COL5A1: variants seen among roughly 807,000 people sequenced by gnomAD.
The protein encoded by COL5A1 is collagen type V alpha 1 chain.
COL5A1 carries 16 observed loss-of-function variants against 263.7 expected under a neutral mutation model. That is an observed-to-expected ratio of 0.06 (90% CI 0.04 to 0.09). The LOEUF (loss-of-function observed/expected upper bound fraction) is 0.09. Among genes scored for constraint, COL5A1 ranks in the 10% least tolerant of loss-of-function variants. The pLI, the probability that COL5A1 is intolerant of heterozygous loss-of-function variation, is 1.00. For missense variants in COL5A1, 2,036 were observed against 2,540.5 expected (o/e 0.80, Z 4.27); for synonymous variants, 1,012 against 1,004.5 (o/e 1.01, Z -0.14).
At chr9:134,751,307 G>A (rs188506682) in intron 13 of COL5A1, among the ~76,000 whole-genome samples, 89 of 152,292 alleles carry the variant, frequency 5.8e-4, no homozygotes, top group African/African-American at 2.0e-3. Context: ...CTGAGGGTCC[G>A]GGTTCTAACT....
At chr9:134,798,297 G>A in intron 36 of COL5A1, 111 bp from the exon 37 acceptor site, 1 of 969,322 alleles carries the variant, frequency 1.0e-6, no homozygotes, top group South Asian at 1.3e-5. Flanking sequence ...CTCAGAGGAT[G>A]TGCAGGGGCA....
chr9:134,682,949 G>GA lies in COL5A1; in HGVS notation c.110-7956dup, dbSNP rs1024317265. Among the ~76,000 whole-genome samples the GA allele has an allele frequency of 3.9e-5, 6 of 152,060 alleles. No homozygotes were observed. ...TTAAAGATATTGAACTTGTTTAGGGGAAAAAAAGGAATTAGAGAAAAAGAT... is the reference window on the plus strand; with the variant it reads ...TTAAAGATATTGAACTTGTTTAGGGGAAAAAAAAGGAATTAGAGAAAAAGAT... On this transcript the variant is annotated intron_variant, in intron 1 of 65. Coordinates refer to ENST00000371817, the MANE Select transcript of COL5A1 (RefSeq NM_000093.5). This position sits in a 1 kb window ranked among gnomAD's most constrained non-coding sequence, Gnocchi z 5.1.
chr9:134,725,952 G>T (rs2132629691), intron 4 of COL5A1, among the ~76,000 whole-genome samples: 1 of 152,310 alleles, frequency 6.6e-6, no homozygotes, highest in South Asian at 2.1e-4. Flanking sequence ...TGTTTTGTTT[G>T]GAGGGTGAAC....
chr9:134,776,598 G>C (rs1166587466), intron 27 of COL5A1, among the ~76,000 whole-genome samples: 1 of 152,228 alleles, frequency 6.6e-6, no homozygotes, highest in Non-Finnish European at 1.5e-5. Context: ...ATGGTGGCAG[G>C]GCGTGGGATT....
chr9:134,695,237 G>A (rs971985430), intron 2 of COL5A1, among the ~76,000 whole-genome samples: 1 of 152,134 alleles, frequency 6.6e-6, no homozygotes. Flanking sequence ...TGGAGGCCAC[G>A]GCTCTGCCCA....
chr9:134,828,659 C>CAG lies in COL5A1; in HGVS notation c.5068-1316_5068-1315insGA, dbSNP rs199982821. Among the ~76,000 whole-genome samples, 9 of 97,084 alleles carry CAG rather than the reference C, an allele frequency of 9.3e-5. No individual in the cohort carries two copies. The East Asian group carries it at 1.6e-3, about 18-fold the overall frequency. 63.7% of individuals were successfully genotyped at this position (97,084 alleles called of 152,430 possible). On this transcript the variant is annotated intron_variant, in intron 63 of 65. Transcript: ENST00000371817. ...CACGATAAACACCACACATACCACACACACACCCATAATGCGCCATACACA... is the reference window on the plus strand; with the variant it reads ...CACGATAAACACCACACATACCACACAGACACACCCATAATGCGCCATACACA...
chr9:134,745,290 C>T (rs1835469638), intron 11 of COL5A1, among the ~76,000 whole-genome samples: 1 of 152,170 alleles, frequency 6.6e-6, no homozygotes, highest in African/African-American at 2.4e-5. Flanking sequence ...GTGAAGGGAG[C>T]AAAGGCCTCG....
At chr9:134,769,541 C>A (rs956547829) in intron 25 of COL5A1, among the ~76,000 whole-genome samples, 5 of 152,174 alleles carry the variant, frequency 3.3e-5, no homozygotes, top group Non-Finnish European at 7.3e-5. Flanking sequence ...TTATAGCCAC[C>A]TTTGATCTCA....
chr9:134,683,711 C>T (rs777177541), intron 1 of COL5A1, among the ~76,000 whole-genome samples: 8 of 152,180 alleles, frequency 5.3e-5, no homozygotes, highest in Non-Finnish European at 8.8e-5. Flanking sequence ...CTGTTCCTGC[C>T]GCCCTTTGAT....
chr9:134,712,492 C>T (rs1482516383), intron 4 of COL5A1, among the ~76,000 whole-genome samples: 3 of 96,618 alleles, frequency 3.1e-5, no homozygotes, highest in African/African-American at 1.3e-4. Flanking sequence ...CCCCTCCTGC[C>T]TTCCCTCCTC....
chr9:134,822,914 A>C, intron 59 of COL5A1, 84 bp from the exon 60 acceptor site: 1 of 1,517,174 alleles, frequency 6.6e-7, no homozygotes. Context: ...GCGAGGGGCG[A>C]GACCAGGCTG....
intron 63 of COL5A1, 82 bp downstream of exon 63, chr9:134,825,986 T>C (rs1053535194): frequency 4.8e-6 from 4 of 840,222 alleles, no homozygotes; most frequent in Non-Finnish European, 8.1e-6. Context: ...GCATTTCTTG[T>C]ATATGCAGCT....
chr9:134,690,958 T>C lies in COL5A1; in HGVS notation c.156T>C (p.Pro52=). 1 of 1,613,874 alleles carries C rather than the reference T, an allele frequency of 6.2e-7. No homozygotes were observed. Among genetic ancestry groups the C allele is most frequent in the South Asian group, 1.1e-5 (1 of 91,088 alleles). Residue 52 remains proline (P), a synonymous_variant, in exon 2 of 66, where the codon CCT becomes CCC. Transcript: ENST00000371817. Reference sequence around the variant, plus strand: ...AGGTTCTAGATTTTCACAACTTGCCTGATGGAATAACAAAGACAACAGGCT... The same window carrying C: ...AGGTTCTAGATTTTCACAACTTGCCCGATGGAATAACAAAGACAACAGGCT... ...LLKVLDFHNL[P]DGITKTTGFC...
rs147905920 is a variant in COL5A1 at position 134,680,874 on chromosome 9, A to T, written c.110-10038A>T. Among the ~76,000 whole-genome samples the T allele has an allele frequency of 1.5e-3, 224 of 152,280 alleles. 1 individual carries two copies. Among genetic ancestry groups the T allele is most frequent in the Non-Finnish European group, 2.1e-3 (144 of 68,012 alleles). ...ATGGAACCTGCTTTGGCGAAGTGGC[A>T]GTGAGCGCAGGGACAGGCTGGGAGT... On this transcript the variant is annotated intron_variant, in intron 1 of 65. Transcript: ENST00000371817. The surrounding 1 kb of genome is among the most constrained non-coding windows in gnomAD (Gnocchi z 5.9).
At chr9:134,748,352 CACATGCACAT>C (rs1246160530) in intron 11 of COL5A1, among the ~76,000 whole-genome samples, 1 of 152,122 alleles carries the variant, frequency 6.6e-6, no homozygotes, top group East Asian at 1.9e-4. Flanking sequence ...CACATTCACA[CACATGCACAT>C]ACATACACTT....
rs753981728 is a variant in COL5A1 at position 134,727,412 on chromosome 9, G to T, written c.786+15G>T. On this transcript the variant is annotated intron_variant, in intron 5 of 65. Transcript: ENST00000371817. ...CAGATGAATATGTGAGTTAACTCTG[G>T]CTGGGATCTTGGGGAGCATGAGCAG... 13 of 1,613,890 alleles carry T rather than the reference G, an allele frequency of 8.1e-6. No individual in the cohort carries two copies. The African/African-American group carries it at 1.5e-4, about 18-fold the overall frequency.
In COL5A1 at chr9:134,840,903, C is replaced by T. The variant is rs139436337; in HGVS notation, c.5371-1254C>T. ...CACCTCCTAATACCATCTTTGGGAACGGGAACATTAAGATCATAGTCAGGG... is the reference window on the plus strand; with the variant it reads ...CACCTCCTAATACCATCTTTGGGAATGGGAACATTAAGATCATAGTCAGGG... On this transcript the variant is annotated intron_variant, in intron 65 of 65. Coordinates refer to ENST00000371817, the MANE Select transcript of COL5A1 (RefSeq NM_000093.5). Among the ~76,000 whole-genome samples the T allele has an allele frequency of 5.3e-3, 803 of 152,308 alleles. 5 individuals carry two copies. The highest frequency in any genetic ancestry group is 8.4e-3 in the Non-Finnish European group (573 of 68,026).
rs1020323918 is a variant in COL5A1, at chr9:134,765,619, A to ACAG, written c.2035-61_2035-59dup. ...AGTCAGGGCCAAGTGGGCATAGGGG[A>ACAG]CAGAGAGGAGGGCTGGGATTTCTGC... On this transcript the variant is annotated intron_variant, in intron 20 of 65. Transcript: ENST00000371817. The surrounding 1 kb of genome is among the most constrained non-coding windows in gnomAD (Gnocchi z 5.1). 42 of 1,471,970 alleles carry ACAG rather than the reference A, an allele frequency of 2.9e-5. No homozygotes were observed. Among genetic ancestry groups the ACAG allele is most frequent in the Non-Finnish European group, 4.0e-5 (42 of 1,051,220 alleles). The allele number at this position is 1,471,970 out of a possible 1,614,324, so 91.2% of individuals were successfully genotyped here. A position where few individuals can be genotyped will look rare whatever the true frequency, so the allele number is the denominator to read the frequency against.
chr9:134,829,453 C>T (rs570910302), intron 63 of COL5A1, among the ~76,000 whole-genome samples: 1,951 of 145,600 alleles, frequency 0.013, 10 homozygotes, highest in African/African-American at 0.035. Flanking sequence ...CTCATCCTCA[C>T]GCGGCCTCCG....
Sources: allele counts gnomAD v4.1 joint callset (sites outside exome capture counted in the v4.1 genomes callset), GRCh38; gene constraint gnomAD v4.1.1; non-coding constraint Gnocchi (gnomAD v3.1); transcripts MANE v1.5; gene names NCBI Gene and HGNC (gene_info 2026-07-23, HGNC 2026-07-21).